Variants in KRT23 observed in about 807,000 individuals in gnomAD.
KRT23 encodes the protein keratin 23.
A neutral mutation model predicts 47.6 loss-of-function variants in KRT23; 38 were observed. That is an observed-to-expected ratio of 0.80 (90% CI 0.62 to 1.05). The LOEUF (loss-of-function observed/expected upper bound fraction) is 1.05. Ranked by LOEUF, KRT23 falls within the 50% of genes least tolerant of loss-of-function variation. The probability of loss-of-function intolerance (pLI) is 0.00; values close to 1 mark genes in which losing one functional copy is unlikely to be tolerated. For missense variants in KRT23, 503 were observed against 529.5 expected (o/e 0.95, Z 0.49); for synonymous variants, 191 against 199.0 (o/e 0.96, Z 0.34).
Position 40,925,053 on chromosome 17 carries a change from T to A in KRT23, c.1142+301A>T, listed in dbSNP as rs968761245. Reference sequence around the variant, plus strand: ...ACACATTCCCCCTGCCTTCTTTTTTTTGGAGCCAAAATTGTGTGCATTCCT... The same window carrying A: ...ACACATTCCCCCTGCCTTCTTTTTTATGGAGCCAAAATTGTGTGCATTCCT... On this transcript the variant is annotated intron_variant, in intron 7 of 8. Transcript: ENST00000209718. 4 of 419,774 alleles carry A rather than the reference T, an allele frequency of 9.5e-6. No individual in the cohort carries two copies. In the East Asian group the frequency reaches 1.6e-4, roughly 17 times the overall value. The allele number at this position is 419,774 out of a possible 1,614,324, so 26.0% of individuals were successfully genotyped here.
At chr17:40,924,407 A>G in intron 8 of KRT23, 65 bp downstream of exon 8, 1 of 1,360,382 alleles carries the variant, frequency 7.4e-7, no homozygotes, top group Non-Finnish European at 1.1e-6. Flanking sequence ...TATGACTACT[A>G]CAAAATGGAT....
In KRT23 at chr17:40,923,589, A is replaced by G. The variant is rs532361135; in HGVS notation, c.1175-506T>C. On this transcript the variant is annotated intron_variant, in intron 8 of 8. Coordinates refer to ENST00000209718, the MANE Select transcript of KRT23 (RefSeq NM_015515.5). Reference sequence around the variant, plus strand: ...CATCAATAAAGCAATTCTAGACCATAGGGAAGAATTGAAATCATTAATAAA... The same window carrying G: ...CATCAATAAAGCAATTCTAGACCATGGGGAAGAATTGAAATCATTAATAAA... Among the ~76,000 whole-genome samples the G allele has an allele frequency of 4.3e-4, 65 of 152,382 alleles. 2 individuals are homozygous for G. Among genetic ancestry groups the G allele is most frequent in the African/African-American group, 1.5e-3 (64 of 41,600 alleles).
At chr17:40,932,931 T>G (rs542657941) in intron 2 of KRT23, among the ~76,000 whole-genome samples, 2 of 152,210 alleles carry the variant, frequency 1.3e-5, no homozygotes, top group African/African-American at 4.8e-5. Flanking sequence ...TGAGCTTGGC[T>G]GAGTCTCAGT....
chr17:40,924,924 A>T (rs1183075399), intron 7 of KRT23, among the ~76,000 whole-genome samples: 1 of 152,024 alleles, frequency 6.6e-6, no homozygotes, highest in Non-Finnish European at 1.5e-5. Flanking sequence ...TTATATGGCC[A>T]GCTGTTGTTA....
chr17:40,931,351 A>AC, intron 3 of KRT23, 22 bp downstream of exon 3: 1 of 1,572,138 alleles, frequency 6.4e-7, no homozygotes, highest in Non-Finnish European at 8.8e-7. Context: ...AACCCGAACA[A>AC]CCCTGTGAAG....
intron 4 of KRT23, 105 bp downstream of exon 4, chr17:40,929,835 G>T: frequency 1.1e-6 from 1 of 922,908 alleles, no homozygotes; most frequent in Non-Finnish European, 1.6e-6. Flanking sequence ...TGAAGGACAA[G>T]GGGATTGGCA....
chr17:40,936,711 A>G lies in KRT23; in HGVS notation c.-108T>C, dbSNP rs1910109123. ...ATGGTTTTATGGCCTTTGCTGTGGG[A>G]GTTCCCTTCTCTGACAATTGTACCA... On this transcript the variant is annotated 5_prime_UTR_variant, in exon 2 of 9. Transcript: ENST00000209718. 9.9e-7 allele frequency: 1 copy of G among 1,010,120 alleles called. No homozygotes were observed. The highest frequency in any genetic ancestry group is 1.4e-6 in the Non-Finnish European group (1 of 733,402). 62.6% of individuals were successfully genotyped at this position (1,010,120 alleles called of 1,614,324 possible). A position where few individuals can be genotyped will look rare whatever the true frequency, so the allele number is the denominator to read the frequency against.
At chr17:40,929,650 T>C (rs547000553) in intron 4 of KRT23, 1 of 321,420 alleles carries the variant, frequency 3.1e-6, no homozygotes, top group Non-Finnish European at 5.6e-6. Flanking sequence ...CACGCATTGA[T>C]TCTTATAGTA....
chr17:40,924,553 T>A, intron 7 of KRT23, 50 bp from the exon 8 acceptor site: 1 of 1,445,454 alleles, frequency 6.9e-7, no homozygotes, highest in Non-Finnish European at 9.7e-7. Flanking sequence ...GCAACAATCA[T>A]AACAACTTCT....
At chr17:40,935,017 G>T (rs1331683881) in intron 2 of KRT23, among the ~76,000 whole-genome samples, 2 of 151,034 alleles carry the variant, frequency 1.3e-5, no homozygotes, top group Admixed American at 6.6e-5. Context: ...GTCTCCCTTT[G>T]CTCTCCATTT....
In KRT23 at chr17:40,930,028, T is replaced by C. The variant is rs1567799084; in HGVS notation, c.548A>G (p.Asp183Gly). ...GTCTGTTGTGACAATGGTCAGGTTG[T>C]CTAAGGTCCTTCGGAGGCCCTCGAC... Reference protein sequence around the residue: ...IEVEGLRRTLDNLTIVTTDLE... With the variant: ...IEVEGLRRTLGNLTIVTTDLE... The change falls in exon 4 of 9, where the codon GAC (aspartate) becomes GGC (glycine). Residue 183 changes from aspartate to glycine, a missense_variant. Transcript: ENST00000209718. 2.5e-6 allele frequency: 4 copies of C among 1,614,182 alleles called. No individual in the cohort carries two copies. The highest frequency in any genetic ancestry group is 3.4e-6 in the Non-Finnish European group (4 of 1,180,004).
At chr17:40,924,185 C>T (rs576938463) in intron 8 of KRT23, among the ~76,000 whole-genome samples, 1 of 152,286 alleles carries the variant, frequency 6.6e-6, no homozygotes, top group South Asian at 2.1e-4. Flanking sequence ...ATCATTGCCT[C>T]TTAGTTTTCT....
intron 2 of KRT23, among the ~76,000 whole-genome samples, chr17:40,932,799 A>T (rs1401006558): frequency 1.3e-5 from 2 of 152,182 alleles, no homozygotes; most frequent in African/African-American, 4.8e-5. Flanking sequence ...GATCCCATGG[A>T]ATTTGGTATC....
chr17:40,924,926 C>G (rs1909131596), intron 7 of KRT23, among the ~76,000 whole-genome samples: 1 of 151,852 alleles, frequency 6.6e-6, no homozygotes, highest in South Asian at 2.1e-4. Flanking sequence ...ATATGGCCAG[C>G]TGTTGTTATT....
intron 3 of KRT23, 22 bp from the exon 4 acceptor site, chr17:40,930,118 G>A (rs188914116): frequency 2.5e-6 from 4 of 1,607,934 alleles, no homozygotes; most frequent in Non-Finnish European, 3.4e-6. Flanking sequence ...AGGAAGAGAA[G>A]AGTGCACTCA....
Position 40,930,097 on chromosome 17 carries a change from C to G in KRT23, c.480-1G>C. On this transcript the variant is annotated splice_acceptor_variant, in intron 3 of 8. Coordinates refer to ENST00000209718, the MANE Select transcript of KRT23 (RefSeq NM_015515.5). LOFTEE classifies it high-confidence loss of function. ...CTTAAAGGAGTGTTCATTTTCATAC[C>G]TTTGGTGAGAAGGAAGAGAAGAGTG... is the stretch of plus-strand genomic sequence containing the variant. 1 of 1,613,536 alleles carries G rather than the reference C, an allele frequency of 6.2e-7. No homozygotes were observed. Among genetic ancestry groups the G allele is most frequent in the Admixed American group, 1.7e-5 (1 of 59,978 alleles).
chr17:40,927,594 T>C (rs1230742985), intron 6 of KRT23, among the ~76,000 whole-genome samples: 1 of 148,178 alleles, frequency 6.7e-6, no homozygotes, highest in African/African-American at 2.5e-5. Context: ...AATCAAATGA[T>C]AGACCTTCAT....
intron 8 of KRT23, among the ~76,000 whole-genome samples, chr17:40,924,224 T>A (rs1044325759): frequency 6.6e-6 from 1 of 152,210 alleles, no homozygotes; most frequent in Non-Finnish European, 1.5e-5. Flanking sequence ...CTCCATTACT[T>A]AATAGAGACA....
chr17:40,925,273 A>G, intron 7 of KRT23, 81 bp downstream of exon 7: 2 of 1,226,528 alleles, frequency 1.6e-6, no homozygotes, highest in Non-Finnish European at 2.4e-6. Context: ...ACTCTTGCTA[A>G]CAGAACCCAA....
Sources: gnomAD v4.1 joint callset for allele counts (sites outside exome capture counted in the v4.1 genomes callset) on GRCh38, gnomAD v4.1.1 for gene constraint, MANE v1.5 for transcripts, NCBI Gene and HGNC (gene_info 2026-07-23, HGNC 2026-07-21) for gene names.